TANC2: variants seen among roughly 807,000 people sequenced by gnomAD.
The protein encoded by TANC2 is protein TANC2.
TANC2 carries 26 observed loss-of-function variants against 210.5 expected under a neutral mutation model. The observed-to-expected ratio is 0.12, with a 90% CI of 0.09 to 0.17. The LOEUF (loss-of-function observed/expected upper bound fraction) is 0.17. TANC2 is among the 10% of genes least tolerant of loss of function. The pLI, the probability that TANC2 is intolerant of heterozygous loss-of-function variation, is 1.00. For synonymous variants in TANC2, 931 were observed against 967.1 expected, an observed-to-expected ratio of 0.96 and a Z score of 0.69; for missense variants, 2,129 against 2,608.9, an observed-to-expected ratio of 0.82 and a Z score of 4.01.
exon 28 of TANC2, chr17:63,422,066 T>C: frequency 7.4e-7 from 1 of 1,359,322 alleles, no homozygotes; most frequent in Admixed American, 2.7e-5. Context: ...TTCTGTGTGG[T>C]GTTCAGAGGT....
At chr17:63,083,096 G>A (rs1195917302) in intron 3 of TANC2, among the ~76,000 whole-genome samples, 3 of 152,152 alleles carry the variant, frequency 2.0e-5, no homozygotes, top group Non-Finnish European at 4.4e-5. Flanking sequence ...GGACAATCAG[G>A]CCCTGCTCAA....
chr17:63,087,430 CTTTG>C (rs2037014004), intron 3 of TANC2, among the ~76,000 whole-genome samples: 1 of 151,936 alleles, frequency 6.6e-6, no homozygotes, highest in Non-Finnish European at 1.5e-5. Flanking sequence ...CTTTGTTTTT[CTTTG>C]TTTTTTGTTT....
At chr17:63,406,101 T>G in intron 20 of TANC2, 53 bp from the exon 21 acceptor site, 2 of 1,607,644 alleles carry the variant, frequency 1.2e-6, no homozygotes, top group Non-Finnish European at 1.7e-6. Flanking sequence ...TGCACGTGTC[T>G]TCTCAGCAGC....
chr17:63,163,178 A>G (rs578173301), intron 5 of TANC2, among the ~76,000 whole-genome samples: 70 of 152,238 alleles, frequency 4.6e-4, no homozygotes, highest in African/African-American at 1.4e-3. Context: ...TTAGGTACCA[A>G]TAGGCTCAAA....
At chr17:63,416,383 T>C (rs1022451256) in intron 26 of TANC2, among the ~76,000 whole-genome samples, 21 of 152,200 alleles carry the variant, frequency 1.4e-4, no homozygotes, top group African/African-American at 5.1e-4. Flanking sequence ...GTCAGGAGTC[T>C]CTGACATCTA....
intron 21 of TANC2, 28 bp from the exon 22 acceptor site, chr17:63,411,483 A>G: frequency 6.3e-7 from 1 of 1,589,178 alleles, no homozygotes; most frequent in Non-Finnish European, 8.6e-7. Flanking sequence ...ATGTCTCCTC[A>G]GCCCTGTGCT....
chr17:63,289,166 A>G (rs1325801550), intron 9 of TANC2, among the ~76,000 whole-genome samples: 1 of 152,144 alleles, frequency 6.6e-6, no homozygotes, highest in East Asian at 1.9e-4. Flanking sequence ...CTTAGGGGGC[A>G]TTTATTATGG....
chr17:63,102,136 A>C (rs1247392425), intron 4 of TANC2, among the ~76,000 whole-genome samples: 1 of 152,074 alleles, frequency 6.6e-6, no homozygotes, highest in Non-Finnish European at 1.5e-5. Flanking sequence ...CCTTGTCTCT[A>C]CAACAAATAA....
intron 1 of TANC2, among the ~76,000 whole-genome samples, chr17:62,991,976 C>T (rs896076772): frequency 1.3e-5 from 2 of 151,870 alleles, no homozygotes; most frequent in Non-Finnish European, 2.9e-5. Context: ...TCTGTGTCTG[C>T]CAACCATGGA....
chr17:63,330,472 T>C (rs1414096840), intron 11 of TANC2, among the ~76,000 whole-genome samples: 1 of 152,182 alleles, frequency 6.6e-6, no homozygotes, highest in Non-Finnish European at 1.5e-5. Context: ...AGGATCATAA[T>C]TTGCATGACA....
Position 63,362,102 on chromosome 17 carries a change from A to T in TANC2, c.2582+6712A>T, listed in dbSNP as rs529920298. 3.3e-5 allele frequency among the ~76,000 whole-genome samples: 5 copies of T among 151,082 alleles called. No homozygotes were observed. The South Asian group carries it at 6.3e-4, about 19-fold the overall frequency. Reference sequence around the variant, plus strand: ...TCCTATGTACAGGCAGGATGTCCCAACAAGTGTGCAACCCTCAGCAGAGAG... The same window carrying T: ...TCCTATGTACAGGCAGGATGTCCCATCAAGTGTGCAACCCTCAGCAGAGAG... On this transcript the variant is annotated intron_variant, in intron 14 of 27. Transcript: ENST00000689528.
At chr17:63,156,708 C>CT (rs904287661) in intron 5 of TANC2, among the ~76,000 whole-genome samples, 115 of 149,830 alleles carry the variant, frequency 7.7e-4, no homozygotes, top group African/African-American at 2.5e-3. Context: ...CATGTAAGTT[C>CT]TTTTTTTTTT....
intron 2 of TANC2, among the ~76,000 whole-genome samples, chr17:63,059,003 G>C (rs919078599): frequency 6.6e-6 from 1 of 152,124 alleles, no homozygotes; most frequent in Non-Finnish European, 1.5e-5. Context: ...GATAGGAATA[G>C]CATTGAACCT....
chr17:63,143,202 A>G (rs1452890451), intron 4 of TANC2, among the ~76,000 whole-genome samples: 1 of 152,256 alleles, frequency 6.6e-6, no homozygotes, highest in Non-Finnish European at 1.5e-5. Flanking sequence ...AATTTCATGT[A>G]GCACCAAATT....
chr17:63,266,746 G>A (rs1425261414), intron 8 of TANC2, among the ~76,000 whole-genome samples: 1 of 152,104 alleles, frequency 6.6e-6, no homozygotes, highest in African/African-American at 2.4e-5. Flanking sequence ...TTGAGGCCCA[G>A]CAGCCATAAA....
chr17:62,972,863 T>G (rs757521142), intron 1 of TANC2, among the ~76,000 whole-genome samples: 2 of 152,146 alleles, frequency 1.3e-5, no homozygotes, highest in Admixed American at 6.5e-5. Flanking sequence ...TTTCATGGAC[T>G]ACTCCTGCCC....
chr17:63,392,123 G>A (rs568114794), intron 17 of TANC2, among the ~76,000 whole-genome samples: 20 of 152,062 alleles, frequency 1.3e-4, no homozygotes, highest in Admixed American at 7.2e-4. Flanking sequence ...TCTTCCTTCC[G>A]TCCTCATACT....
intron 2 of TANC2, among the ~76,000 whole-genome samples, chr17:63,058,678 C>T (rs889113601): frequency 1.3e-5 from 2 of 152,142 alleles, no homozygotes; most frequent in Admixed American, 6.5e-5. Context: ...TTGAATAGGA[C>T]GTCCTTTCCC....
intron 5 of TANC2, among the ~76,000 whole-genome samples, chr17:63,168,001 C>T (rs948377234): frequency 2.6e-5 from 4 of 151,046 alleles, no homozygotes; most frequent in Non-Finnish European, 5.9e-5. Flanking sequence ...CATCTAAATA[C>T]TCCCCTCTGC....
Sources: allele counts gnomAD v4.1 joint callset (sites outside exome capture counted in the v4.1 genomes callset), GRCh38; gene constraint gnomAD v4.1.1; transcripts MANE v1.5; gene names NCBI Gene and HGNC (gene_info 2026-07-23, HGNC 2026-07-21).